ATG2A: variants seen among roughly 807,000 people sequenced by gnomAD.
ATG2A encodes the protein autophagy related 2A, also known as autophagy-related protein 2 homolog A.
A neutral mutation model predicts 214.2 loss-of-function variants in ATG2A; 103 were observed. The ratio of observed to expected loss-of-function variants is 0.48; its 90% CI spans 0.41 to 0.57. ATG2A has a LOEUF of 0.57. Ranked by LOEUF, ATG2A falls within the 20% of genes least tolerant of loss-of-function variation. The pLI is 0.00. For synonymous variants in ATG2A, 1,160 were observed against 1,142.1 expected (o/e 1.02, Z -0.32); for missense variants, 2,312 against 2,613.2 (o/e 0.88, Z 2.51).
At chr11:64,916,833 T>C in intron 1 of ATG2A, 132 bp downstream of exon 1, 12 of 1,285,440 alleles carry the variant, frequency 9.3e-6, no homozygotes, top group Non-Finnish European at 1.2e-5. Context: ...CTCTGACGCC[T>C]GGAGAGGGCA....
intron 6 of ATG2A, 163 bp downstream of exon 6, chr11:64,912,875 G>C: frequency 1.6e-6 from 1 of 626,896 alleles, no homozygotes; most frequent in African/African-American, 1.8e-5. Flanking sequence ...TTACAGGTGT[G>C]AACCCTGTGC....
At chr11:64,908,422 C>T (rs984765345) in intron 16 of ATG2A, among the ~76,000 whole-genome samples, 4 of 152,126 alleles carry the variant, frequency 2.6e-5, no homozygotes, top group Admixed American at 6.5e-5. Flanking sequence ...CGTGGTGGCA[C>T]GCGCCTGTAA....
intron 24 of ATG2A, among the ~76,000 whole-genome samples, chr11:64,904,031 A>G (rs1944452720): frequency 6.6e-6 from 1 of 151,388 alleles, no homozygotes; most frequent in African/African-American, 2.4e-5. Flanking sequence ...GGATCACCTG[A>G]TATCAGGAGT....
At position 64,909,004 on chromosome 11, in the gene ATG2A, T is replaced by C; in HGVS notation, c.2351A>G (p.Tyr784Cys). 1 of 1,591,868 alleles carries C rather than the reference T, an allele frequency of 6.3e-7. No individual in the cohort carries two copies. Among genetic ancestry groups the C allele is most frequent in the Non-Finnish European group, 8.6e-7 (1 of 1,169,214 alleles). Reference sequence around the variant, plus strand: ...GCCAAGTCTCACCTCCTCTGTCTCATACATGGTCCTCTTAGAGGAGAAGGG... The same window carrying C: ...GCCAAGTCTCACCTCCTCTGTCTCACACATGGTCCTCTTAGAGGAGAAGGG... ...PSPFSSKRTM[Y>C]ETEEMVIPGD... Residue 784 changes from tyrosine (Y) to cysteine (C), a missense_variant, in exon 16 of 41, where the codon TAT (tyrosine) becomes TGT (cysteine). By Grantham distance (194) the Tyr-to-Cys change is radical. Coordinates refer to ENST00000377264, the MANE Select transcript of ATG2A (RefSeq NM_015104.3).
At position 64,911,933 on chromosome 11, in the gene ATG2A, G is replaced by GGGAGAGCTCAGAT; in HGVS notation, c.1136_1137insATCTGAGCTCTCC (p.Ser385Ter). 18 of 1,613,606 alleles carry GGGAGAGCTCAGAT rather than the reference G, an allele frequency of 1.1e-5. No homozygotes were observed. The highest frequency in any genetic ancestry group is 1.5e-5 in the Non-Finnish European group (18 of 1,179,846). ...CTACATCGGAGAGGGAGAGCTCAGA[G>GGGAGAGCTCAGAT]AGGGCTGAGGCCACACTGCTTGTGA... On this transcript the variant is annotated frameshift_variant, in exon 9 of 41. Transcript: ENST00000377264. LOFTEE classifies it high-confidence loss of function.
chr11:64,915,145 AC>A (rs1944932655), intron 1 of ATG2A, among the ~76,000 whole-genome samples: 1 of 22,774 alleles, frequency 4.4e-5, no homozygotes, highest in Non-Finnish European at 9.3e-5. Flanking sequence ...CCCCCCCCCC[AC>A]CACCAACCCC....
At position 64,911,923 on chromosome 11, in the gene ATG2A, A is replaced by G. The variant is rs1203815495; in HGVS notation, c.1147T>C (p.Ser383Pro). 4 of 1,613,596 alleles carry G rather than the reference A, an allele frequency of 2.5e-6. No individual in the cohort carries two copies. Residue 383 changes from serine to proline, a missense_variant, in exon 9 of 41, where the codon TCC becomes CCC. Ser to Pro is a moderately conservative substitution (Grantham distance 74). Coordinates refer to ENST00000377264, the MANE Select transcript of ATG2A (RefSeq NM_015104.3). The stretch of plus-strand genomic sequence containing the variant: ...GAGGCCAGGTCTACATCGGAGAGGG[A>G]GAGCTCAGAGAGGGCTGAGGCCACA... ...SSVASALSEL[S>P]LSDVDLASSV...
At chr11:64,899,881 CAG>C (rs978889651) in intron 31 of ATG2A, among the ~76,000 whole-genome samples, 7 of 145,058 alleles carry the variant, frequency 4.8e-5, no homozygotes, top group Middle Eastern at 3.4e-3. Context: ...TTTTTTGAAA[CAG>C]AGTCTTACTC....
intron 29 of ATG2A, 39 bp from the exon 30 acceptor site, chr11:64,901,131 G>C: frequency 6.5e-7 from 1 of 1,537,766 alleles, no homozygotes; most frequent in Non-Finnish European, 8.8e-7. Context: ...ACAGATGTTC[G>C]ATCCAGCCCA....
At chr11:64,899,658 C>A (rs2136550193) in intron 31 of ATG2A, among the ~76,000 whole-genome samples, 1 of 152,250 alleles carries the variant, frequency 6.6e-6, no homozygotes, top group South Asian at 2.1e-4. Context: ...CGCAGCTGAA[C>A]CTGTGGCCAG....
Position 64,902,105 on chromosome 11 carries a change from G to A in ATG2A, c.3976C>T (p.Pro1326Ser), listed in dbSNP as rs773831526. 3.5e-5 allele frequency: 56 copies of A among 1,613,850 alleles called. No individual in the cohort carries two copies. The highest frequency in any genetic ancestry group is 4.7e-5 in the Non-Finnish European group (56 of 1,180,022). ...FPGERSGAPP[P>S]SPPVGGPAGS... ...GCAGGGCCCCCGACAGGTGGTGAAGGGGGTGGGGCCCCACTCCGTTCACCT... is the reference window on the plus strand; with the variant it reads ...GCAGGGCCCCCGACAGGTGGTGAAGAGGGTGGGGCCCCACTCCGTTCACCT... The change falls in exon 29 of 41, where the codon CCT (proline) becomes TCT (serine). Residue 1326 changes from proline (P) to serine (S), a missense_variant. Coordinates refer to ENST00000377264, the MANE Select transcript of ATG2A (RefSeq NM_015104.3).
chr11:64,896,009 C>T (rs1944136165), intron 39 of ATG2A, among the ~76,000 whole-genome samples: 1 of 152,224 alleles, frequency 6.6e-6, no homozygotes, highest in African/African-American at 2.4e-5. Flanking sequence ...GCACTCACCC[C>T]TTAGCCGCCT....
At chr11:64,904,332 G>A (rs1944462325) in intron 24 of ATG2A, among the ~76,000 whole-genome samples, 1 of 150,734 alleles carries the variant, frequency 6.6e-6, no homozygotes. Flanking sequence ...GGATCACGAG[G>A]TCAGGAGTTC....
rs1443858130 is a variant in ATG2A at position 64,898,317 on chromosome 11, C to T, written c.4717G>A (p.Gly1573Arg). ...LHVAPTTNLGGPECCLRVSLM... is the reference protein window; with the variant it reads ...LHVAPTTNLGRPECCLRVSLM... ...GAGACGCGGAGACAGCACTCAGGCCCACCCAGGTTGGTAGTGGGGGCCACA... is the reference window on the plus strand; with the variant it reads ...GAGACGCGGAGACAGCACTCAGGCCTACCCAGGTTGGTAGTGGGGGCCACA... The change falls in exon 33 of 41, where the codon GGG becomes AGG. Residue 1573 changes from glycine to arginine, a missense_variant. By Grantham distance (125) the Gly-to-Arg change is moderately radical. Transcript: ENST00000377264. This position sits in a 1 kb window ranked among gnomAD's most constrained non-coding sequence, Gnocchi z 4.5. 1.2e-6 allele frequency: 2 copies of T among 1,611,808 alleles called. No individual in the cohort carries two copies. The highest frequency in any genetic ancestry group is 2.7e-5 in the African/African-American group (2 of 74,800).
At chr11:64,916,323 G>A (rs1309535867) in intron 1 of ATG2A, among the ~76,000 whole-genome samples, 2 of 152,148 alleles carry the variant, frequency 1.3e-5, no homozygotes, top group Non-Finnish European at 2.9e-5. Context: ...AGATGTAGGT[G>A]GGGGCCATCC....
At chr11:64,915,202 C>A (rs1200669159) in intron 1 of ATG2A, among the ~76,000 whole-genome samples, 1 of 149,700 alleles carries the variant, frequency 6.7e-6, no homozygotes, top group Non-Finnish European at 1.5e-5. Flanking sequence ...CAAGGCTGAG[C>A]CCCTGGCTAA....
intron 24 of ATG2A, among the ~76,000 whole-genome samples, chr11:64,904,942 G>A (rs867352987): frequency 1.1e-4 from 17 of 152,154 alleles, no homozygotes; most frequent in Admixed American, 7.9e-4. Flanking sequence ...CGTAACCTCC[G>A]CCTCCCAGAT....
chr11:64,902,797 TG>T, intron 26 of ATG2A, 117 bp from the exon 27 acceptor site: 1 of 898,434 alleles, frequency 1.1e-6, no homozygotes, highest in Non-Finnish European at 1.7e-6. Flanking sequence ...AGAACAGGGA[TG>T]GTCTCTCCTG....
chr11:64,916,930 T>C (rs778368774), intron 1 of ATG2A, 35 bp downstream of exon 1: 58 of 1,609,240 alleles, frequency 3.6e-5, no homozygotes, highest in Non-Finnish European at 4.7e-5. Context: ...GCTCCCACCC[T>C]CCGCACCTTC....
Sources: allele counts gnomAD v4.1 joint callset (sites outside exome capture counted in the v4.1 genomes callset), GRCh38; gene constraint gnomAD v4.1.1; non-coding constraint Gnocchi (gnomAD v3.1); transcripts MANE v1.5; gene names NCBI Gene and HGNC (gene_info 2026-07-23, HGNC 2026-07-21).